PPP1R21: variants seen among roughly 807,000 people sequenced by gnomAD.
PPP1R21 encodes KLRAQ motif containing 1.
Under a neutral mutation model 112.8 loss-of-function variants are expected in PPP1R21, and 85 were observed. That is an observed-to-expected ratio of 0.75 (90% CI 0.63 to 0.90). The LOEUF (loss-of-function observed/expected upper bound fraction) is 0.90, where lower values mean the gene tolerates loss of function less well. Ranked by LOEUF, PPP1R21 falls within the 40% of genes least tolerant of loss-of-function variation. The pLI is 0.00. For synonymous variants in PPP1R21, 381 were observed against 322.3 expected, an observed-to-expected ratio of 1.18 and a Z score of -1.95; for missense variants, 1,199 against 901.5, an observed-to-expected ratio of 1.33 and a Z score of -4.23.
chr2:48,475,359 A>G (rs2103867772), intron 12 of PPP1R21, among the ~76,000 whole-genome samples: 1 of 152,274 alleles, frequency 6.6e-6, no homozygotes, highest in African/African-American at 2.4e-5. Context: ...TCTGAAATAA[A>G]TAAGTAATAA....
At chr2:48,467,906 G>C (rs1033901487) in intron 9 of PPP1R21, among the ~76,000 whole-genome samples, 2 of 152,202 alleles carry the variant, frequency 1.3e-5, no homozygotes, top group Non-Finnish European at 2.9e-5. Flanking sequence ...TGATGTGGCA[G>C]TCTGAAATAT....
intron 12 of PPP1R21, among the ~76,000 whole-genome samples, chr2:48,475,204 T>C (rs1304998568): frequency 5.3e-5 from 8 of 151,616 alleles, no homozygotes; most frequent in African/African-American, 1.9e-4. Flanking sequence ...AATTTAAAAA[T>C]TATCCAGATG....
chr2:48,508,844 C>A (rs746161380), intron 19 of PPP1R21, among the ~76,000 whole-genome samples: 1 of 152,046 alleles, frequency 6.6e-6, no homozygotes, highest in East Asian at 1.9e-4. Flanking sequence ...GTTTGATTTC[C>A]AAGACATTTA....
chr2:48,481,353 A>G (rs191123928), intron 13 of PPP1R21, among the ~76,000 whole-genome samples: 1 of 152,318 alleles, frequency 6.6e-6, no homozygotes, highest in East Asian at 1.9e-4. Flanking sequence ...AGAAATCACA[A>G]CTTGGATAGG....
intron 13 of PPP1R21, among the ~76,000 whole-genome samples, chr2:48,482,421 C>G (rs1669057153): frequency 1.3e-5 from 2 of 152,094 alleles, no homozygotes; most frequent in African/African-American, 4.8e-5. Context: ...GAGCTTATAT[C>G]TTGAGGGAAA....
rs1000492605 is a variant in PPP1R21, at chr2:48,465,566, A to C, written c.821A>C (p.His274Pro). The C allele has an allele frequency of 6.2e-7, 1 of 1,613,986 alleles. No individual in the cohort carries two copies. The highest frequency in any genetic ancestry group is 2.2e-5 in the East Asian group (1 of 44,870). ...QDLVTALLNF[H>P]TYTEQRIQIF... Reference sequence around the variant, plus strand: ...CTTGTGACGGCTCTTCTAAACTTTCATACCTACACAGAACAGAGGATTCAA... The same window carrying C: ...CTTGTGACGGCTCTTCTAAACTTTCCTACCTACACAGAACAGAGGATTCAA... The change falls in exon 9 of 22, where the codon CAT becomes CCT. Residue 274 changes from histidine (H) to proline (P), a missense_variant. Physicochemically the swap from His to Pro is moderately conservative, Grantham distance 77 (BLOSUM62 -2). Transcript: ENST00000294952.
At chr2:48,499,543 G>C (rs1670004948) in intron 17 of PPP1R21, among the ~76,000 whole-genome samples, 2 of 152,264 alleles carry the variant, frequency 1.3e-5, no homozygotes, top group South Asian at 4.1e-4. Context: ...GCAGCATAGT[G>C]AGACCCTGTG....
At chr2:48,483,791 C>G (rs1046239541) in intron 13 of PPP1R21, among the ~76,000 whole-genome samples, 9 of 152,096 alleles carry the variant, frequency 5.9e-5, no homozygotes, top group Non-Finnish European at 1.2e-4. Flanking sequence ...CTGACTAACC[C>G]TGAGTCTGGG....
chr2:48,448,735 G>A (rs1667354543), intron 1 of PPP1R21, among the ~76,000 whole-genome samples: 1 of 152,192 alleles, frequency 6.6e-6, no homozygotes, highest in Admixed American at 6.5e-5. Flanking sequence ...TTAAAAAGTA[G>A]AACACTACAT....
intron 9 of PPP1R21, among the ~76,000 whole-genome samples, chr2:48,469,162 C>G (rs1572851679): frequency 6.6e-6 from 1 of 151,030 alleles, no homozygotes; most frequent in South Asian, 2.1e-4. Flanking sequence ...TCAATTACCT[C>G]CCCCTGGACA....
At chr2:48,491,700 A>G (rs746972107) in intron 15 of PPP1R21, among the ~76,000 whole-genome samples, 22 of 152,282 alleles carry the variant, frequency 1.4e-4, no homozygotes, top group South Asian at 4.1e-4. Context: ...GTGCACATGC[A>G]CACACATACT....
chr2:48,485,097 T>C (rs571528736), intron 13 of PPP1R21, among the ~76,000 whole-genome samples: 2 of 152,286 alleles, frequency 1.3e-5, no homozygotes, highest in African/African-American at 4.8e-5. Context: ...TCAACCCCTA[T>C]GGAAAGCAGT....
intron 12 of PPP1R21, among the ~76,000 whole-genome samples, chr2:48,476,214 G>T (rs556757328): frequency 6.6e-6 from 1 of 152,202 alleles, no homozygotes; most frequent in South Asian, 2.1e-4. Flanking sequence ...TATGGTATGT[G>T]GTCTTTTCTG....
At chr2:48,492,423 A>G (rs1669610556) in intron 15 of PPP1R21, among the ~76,000 whole-genome samples, 1 of 151,796 alleles carries the variant, frequency 6.6e-6, no homozygotes, top group African/African-American at 2.4e-5. Flanking sequence ...TGACTTAGAG[A>G]CTGTCTATGT....
chr2:48,501,051 T>A (rs1558515535), intron 17 of PPP1R21, among the ~76,000 whole-genome samples: 1 of 152,242 alleles, frequency 6.6e-6, no homozygotes, highest in East Asian at 1.9e-4. Context: ...GGCAAGTCTT[T>A]GTTCCAGTCA....
chr2:48,479,393 A>G (rs1478191130), intron 12 of PPP1R21: 1 of 444,038 alleles, frequency 2.3e-6, no homozygotes, highest in South Asian at 1.6e-5. Context: ...CTGAGTTGTT[A>G]CAGATTTTCT....
intron 17 of PPP1R21, among the ~76,000 whole-genome samples, chr2:48,504,190 A>G (rs535722414): frequency 3.2e-4 from 48 of 152,324 alleles, no homozygotes; most frequent in African/African-American, 1.1e-3. Flanking sequence ...TGCTACTTCT[A>G]CTTCATAAAG....
chr2:48,488,449 C>G (rs1166975830), intron 14 of PPP1R21, among the ~76,000 whole-genome samples: 2 of 151,620 alleles, frequency 1.3e-5, no homozygotes, highest in South Asian at 2.1e-4. Flanking sequence ...TCACTGCAAG[C>G]TCCACCTCCC....
intron 7 of PPP1R21, among the ~76,000 whole-genome samples, chr2:48,461,830 T>G (rs1284480541): frequency 6.6e-6 from 1 of 152,210 alleles, no homozygotes; most frequent in Non-Finnish European, 1.5e-5. Flanking sequence ...TTTTGAAACT[T>G]ACATTCAAAT....
Sources: allele counts gnomAD v4.1 joint callset (sites outside exome capture counted in the v4.1 genomes callset), GRCh38; gene constraint gnomAD v4.1.1; transcripts MANE v1.5; gene names NCBI Gene and HGNC (gene_info 2026-07-23, HGNC 2026-07-21).